GTF2F1: variants seen among roughly 807,000 people sequenced by gnomAD.
GTF2F1 encodes the protein general transcription factor IIF subunit 1, also known as general transcription factor IIF 74 kDa subunit.
In GTF2F1, 39 loss-of-function variants were observed where a neutral mutation model predicts 63.5. That is an observed-to-expected ratio of 0.61 (90% CI 0.48 to 0.80). The LOEUF is 0.80. Ranked by LOEUF, GTF2F1 falls within the 30% of genes least tolerant of loss-of-function variation. The probability of loss-of-function intolerance (pLI) is 0.00; values close to 1 mark genes in which losing one functional copy is unlikely to be tolerated. For missense variants in GTF2F1, 657 were observed against 718.3 expected, an observed-to-expected ratio of 0.91 and a Z score of 0.97; for synonymous variants, 287 against 285.3, an observed-to-expected ratio of 1.01 and a Z score of -0.06.
In GTF2F1 at chr19:6,383,728, C is replaced by T. The variant is rs971476638; in HGVS notation, c.498-233G>A. Among the ~76,000 whole-genome samples the T allele has an allele frequency of 1.3e-5, 2 of 152,238 alleles. No homozygotes were observed. Among genetic ancestry groups the T allele is most frequent in the African/African-American group, 2.4e-5 (1 of 41,468 alleles). The stretch of plus-strand genomic sequence containing the variant: ...GCAGGTCCCCATGTGCTGCTGGAGT[C>T]TCAGCACCTCCCTCGGACTCAGAGT... On this transcript the variant is annotated intron_variant, in intron 5 of 12. Coordinates refer to ENST00000394456, the MANE Select transcript of GTF2F1 (RefSeq NM_002096.3). This position sits in a 1 kb window ranked among gnomAD's most constrained non-coding sequence, Gnocchi z 4.5.
At chr19:6,385,828 G>A (rs1240826978) in intron 5 of GTF2F1, among the ~76,000 whole-genome samples, 2 of 152,240 alleles carry the variant, frequency 1.3e-5, no homozygotes, top group East Asian at 3.8e-4. Context: ...GCTCACGCCT[G>A]TAATCCCAGC....
chr19:6,386,142 TAGGGAGGCTGAGGGGGGC>T (rs2091973067), intron 5 of GTF2F1, among the ~76,000 whole-genome samples: 1 of 151,582 alleles, frequency 6.6e-6, no homozygotes, highest in African/African-American at 2.4e-5. Context: ...TCCCCACACT[TAGGGAGGCTGAGGGGGGC>T]AGATCACCTG....
chr19:6,389,385 T>G, intron 4 of GTF2F1, 59 bp downstream of exon 4: 1 of 1,507,456 alleles, frequency 6.6e-7, no homozygotes, highest in Non-Finnish European at 9.1e-7. Context: ...GTATGTAAGT[T>G]GAGGCCTGGG....
Position 6,389,633 on chromosome 19 carries a change from C to A in GTF2F1, c.137G>T (p.Arg46Leu). ...CTTGTTGCTCAAGTCCCGCTCCAGCCGAGCCTAGGGGAGCAGGAAGCAAAG... is the reference window on the plus strand; with the variant it reads ...CTTGTTGCTCAAGTCCCGCTCCAGCAGAGCCTAGGGGAGCAGGAAGCAAAG... ...KVNFATWNQA[R>L]LERDLSNKKI... The change falls in exon 4 of 13, where the codon CGG (arginine) becomes CTG (leucine). Residue 46 changes from arginine to leucine, a missense_variant. Physicochemically the swap from Arg to Leu is moderately radical, Grantham distance 102. This residue lies in a region of GTF2F1 where 602 missense variants were observed against 625.6 expected (regional missense o/e 0.96). Coordinates refer to ENST00000394456, the MANE Select transcript of GTF2F1 (RefSeq NM_002096.3). 1.2e-6 allele frequency: 2 copies of A among 1,613,322 alleles called. No individual in the cohort carries two copies. The highest frequency in any genetic ancestry group is 1.7e-6 in the Non-Finnish European group (2 of 1,179,926).
At position 6,383,447 on chromosome 19, in the gene GTF2F1, G is replaced by C. The variant is rs770821982; in HGVS notation, c.546C>G (p.Leu182=). The stretch of plus-strand genomic sequence containing the variant: ...CATCCTCGTCCTGGTCCTGATCCTT[G>C]AGCCGCCGCTGCTGCATGATGCTGA... ...NHFSIMQQRR[L]KDQDQDEDEE... The change falls in exon 6 of 13, where the codon CTC becomes CTG. Residue 182 remains leucine (L), a synonymous_variant. Coordinates refer to ENST00000394456, the MANE Select transcript of GTF2F1 (RefSeq NM_002096.3). This position sits in a 1 kb window ranked among gnomAD's most constrained non-coding sequence, Gnocchi z 4.5. 5 of 1,614,150 alleles carry C rather than the reference G, an allele frequency of 3.1e-6. No individual in the cohort carries two copies. Among genetic ancestry groups the C allele is most frequent in the Non-Finnish European group, 4.2e-6 (5 of 1,180,036 alleles).
Position 6,381,236 on chromosome 19 carries a change from G to A in GTF2F1, c.1019-41C>T, listed in dbSNP as rs377485256. On this transcript the variant is annotated intron_variant, in intron 9 of 12. Transcript: ENST00000394456. The surrounding 1 kb of genome is among the most constrained non-coding windows in gnomAD (Gnocchi z 4.1). ...AAGGGGTCAGGGCCAGAGCAACCCC[G>A]GGACCCGGTGCCCACTGGTGCCTCC... The A allele has an allele frequency of 4.3e-5, 68 of 1,576,252 alleles. No individual in the cohort carries two copies. The highest frequency in any genetic ancestry group is 1.6e-4 in the African/African-American group (12 of 74,096).
intron 6 of GTF2F1, among the ~76,000 whole-genome samples, chr19:6,382,330 T>C (rs2091956143): frequency 6.6e-6 from 1 of 151,858 alleles, no homozygotes. Flanking sequence ...CCCCAGTCTC[T>C]ACAAAAAACA....
At chr19:6,387,968 C>G (rs139321727) in intron 4 of GTF2F1, among the ~76,000 whole-genome samples, 4,769 of 149,832 alleles carry the variant, frequency 0.032, 287 homozygotes, top group African/African-American at 0.11. Flanking sequence ...CTCGCTCTGG[C>G]ACCCAGGCTG....
chr19:6,383,488 TG>T lies in GTF2F1; in HGVS notation c.504del (p.Asn168LysfsTer4). On this transcript the variant is annotated frameshift_variant, in exon 6 of 13. Transcript: ENST00000394456. LOFTEE classifies it high-confidence loss of function. This position sits in a 1 kb window ranked among gnomAD's most constrained non-coding sequence, Gnocchi z 4.5. ...EEAEEEWERR[N>X]KVLNHFSIMQ... ...ATGATGCTGAAGTGGTTCAGCACCT[TG>T]TTCCTCCTGCGGGCCAGGCACAGGG... 4 of 1,612,920 alleles carry T rather than the reference TG, an allele frequency of 2.5e-6. No homozygotes were observed. The highest frequency in any genetic ancestry group is 3.4e-6 in the Non-Finnish European group (4 of 1,179,344).
rs762527044 is a variant in GTF2F1, at chr19:6,380,684, C to T, written c.1238G>A (p.Arg413Gln). ...AAASKLEQGKRVSEMPAAKRL... is the reference protein window; with the variant it reads ...AAASKLEQGKQVSEMPAAKRL... ...CTTGGCTGCAGGCATCTCGCTCACC[C>T]GCTTCCCTGTGGGAGTGGGGTCAGG... Residue 413 changes from arginine (R) to glutamine (Q), a missense_variant, in exon 12 of 13, where the codon CGG becomes CAG. Arg to Gln is a conservative substitution (Grantham distance 43). This residue lies in a region of GTF2F1 where 602 missense variants were observed against 625.6 expected (regional missense o/e 0.96). Coordinates refer to ENST00000394456, the MANE Select transcript of GTF2F1 (RefSeq NM_002096.3). This position sits in a 1 kb window ranked among gnomAD's most constrained non-coding sequence, Gnocchi z 5.3. 24 of 1,611,232 alleles carry T rather than the reference C, an allele frequency of 1.5e-5. No homozygotes were observed. The East Asian group carries it at 1.6e-4, about 10-fold the overall frequency.
rs201144023 is a variant in GTF2F1 at position 6,380,927 on chromosome 19, G to A, written c.1208C>T (p.Ala403Val). The change falls in exon 11 of 13, where the codon GCG (alanine) becomes GTG (valine). Residue 403 changes from alanine to valine, a missense_variant. Physicochemically the swap from Ala to Val is moderately conservative, Grantham distance 64. Around this residue, in one of 2 missense-constraint regions of GTF2F1, gnomAD observed 602 missense variants for 625.6 expected, o/e 0.96. Coordinates refer to ENST00000394456, the MANE Select transcript of GTF2F1 (RefSeq NM_002096.3). The surrounding 1 kb of genome is among the most constrained non-coding windows in gnomAD (Gnocchi z 5.3). ...EGGSTSSTLR[A>V]AASKLEQGKR... Reference sequence around the variant, plus strand: ...ACCTTGCTCGAGTTTGCTGGCAGCCGCCCGCAGGGTGGAGGAGGTGCTGCC... The same window carrying A: ...ACCTTGCTCGAGTTTGCTGGCAGCCACCCGCAGGGTGGAGGAGGTGCTGCC... The A allele has an allele frequency of 6.5e-4, 1,029 of 1,571,782 alleles. 13 individuals are homozygous for A. In the South Asian group the frequency reaches 8.9e-3, roughly 14 times the overall value.
chr19:6,388,054 C>T (rs530583298), intron 4 of GTF2F1, among the ~76,000 whole-genome samples: 9 of 145,962 alleles, frequency 6.2e-5, no homozygotes, highest in African/African-American at 2.2e-4. Context: ...CTCAGCCTCC[C>T]GAGTAGCTGG....
intron 4 of GTF2F1, among the ~76,000 whole-genome samples, chr19:6,388,278 C>G (rs2091981742): frequency 6.6e-6 from 1 of 152,200 alleles, no homozygotes; most frequent in Admixed American, 6.5e-5. Flanking sequence ...CCACCATTTC[C>G]TCAAGCCTAA....
At chr19:6,382,223 G>T (rs1394389812) in intron 6 of GTF2F1, among the ~76,000 whole-genome samples, 1 of 152,186 alleles carries the variant, frequency 6.6e-6, no homozygotes, top group South Asian at 2.1e-4. Flanking sequence ...AGGTGCAGTG[G>T]CTCATGCCTG....
At chr19:6,388,744 T>A (rs1204793866) in intron 4 of GTF2F1, among the ~76,000 whole-genome samples, 3 of 152,042 alleles carry the variant, frequency 2.0e-5, no homozygotes, top group Non-Finnish European at 4.4e-5. Flanking sequence ...CCCCAGGAGT[T>A]CAAGACCAGC....
rs2091944814 is a variant in GTF2F1, at chr19:6,380,891, C to T, written c.1231+13G>A. On this transcript the variant is annotated intron_variant, in intron 11 of 12. Coordinates refer to ENST00000394456, the MANE Select transcript of GTF2F1 (RefSeq NM_002096.3). This position sits in a 1 kb window ranked among gnomAD's most constrained non-coding sequence, Gnocchi z 5.3. ...CTGTGGCTGTGGGGAGCGGGGAGGC[C>T]ACGGGCACTCACCTTGCTCGAGTTT... The T allele has an allele frequency of 6.5e-7, 1 of 1,543,268 alleles. No homozygotes were observed. Among genetic ancestry groups the T allele is most frequent in the African/African-American group, 1.4e-5 (1 of 73,630 alleles).
intron 4 of GTF2F1, among the ~76,000 whole-genome samples, chr19:6,389,007 C>T (rs1444305481): frequency 6.6e-6 from 1 of 151,720 alleles, no homozygotes; most frequent in Admixed American, 6.6e-5. Flanking sequence ...TACGGGAGGC[C>T]GAGGCGGGAG....
At chr19:6,386,525 A>AAGCTCCGCCTCCC (rs2091974594) in intron 5 of GTF2F1, among the ~76,000 whole-genome samples, 1 of 152,126 alleles carries the variant, frequency 6.6e-6, no homozygotes, top group South Asian at 2.1e-4. Context: ...GGATCACTGC[A>AAGCTCCGCCTCCC]AGCTCCGCCT....
At chr19:6,384,178 CGTT>C (rs1417123494) in intron 5 of GTF2F1, among the ~76,000 whole-genome samples, 1 of 151,148 alleles carries the variant, frequency 6.6e-6, no homozygotes, top group Admixed American at 6.6e-5. Context: ...AACAATGTAA[CGTT>C]GTCTCATTGC....
Sources: gnomAD v4.1 joint callset for allele counts (sites outside exome capture counted in the v4.1 genomes callset) on GRCh38, gnomAD v4.1.1 for gene constraint, gnomAD v4.1.1 regional missense constraint, Gnocchi (gnomAD v3.1) non-coding constraint, MANE v1.5 for transcripts, NCBI Gene and HGNC (gene_info 2026-07-23, HGNC 2026-07-21) for gene names.